FAM120B: variants seen among roughly 807,000 people sequenced by gnomAD.
The protein encoded by FAM120B is constitutive coactivator of peroxisome proliferator-activated receptor gamma.
FAM120B carries 83 observed loss-of-function variants against 96.3 expected under a neutral mutation model. That is an observed-to-expected ratio of 0.86 (90% CI 0.72 to 1.03). The LOEUF (loss-of-function observed/expected upper bound fraction) is 1.03, where lower values mean the gene tolerates loss of function less well. FAM120B is among the 50% of genes least tolerant of loss of function. The pLI, the probability that FAM120B is intolerant of heterozygous loss-of-function variation, is 0.00. For missense variants in FAM120B, 1,027 were observed against 1,121.2 expected (o/e 0.92, Z 1.20); for synonymous variants, 407 against 402.7 (o/e 1.01, Z -0.13).
chr6:170,361,791 ATCTT>A (rs1287696023), intron 6 of FAM120B, among the ~76,000 whole-genome samples: 1 of 152,052 alleles, frequency 6.6e-6, no homozygotes, highest in Non-Finnish European at 1.5e-5. Context: ...TTAAGTTAGA[ATCTT>A]TCTTTTTTAA....
At chr6:170,347,266 C>T (rs1787254726) in intron 4 of FAM120B, among the ~76,000 whole-genome samples, 1 of 152,118 alleles carries the variant, frequency 6.6e-6, no homozygotes, top group African/African-American at 2.4e-5. Context: ...ATTTTATAGC[C>T]AAGTGGTCCT....
chr6:170,316,548 A>G (rs1784913120), intron 1 of FAM120B, among the ~76,000 whole-genome samples: 1 of 152,206 alleles, frequency 6.6e-6, no homozygotes, highest in Non-Finnish European at 1.5e-5. Context: ...CCAGATTCCA[A>G]ATTCTAACTG....
chr6:170,347,375 T>A (rs755999604), intron 4 of FAM120B, among the ~76,000 whole-genome samples: 6 of 152,172 alleles, frequency 3.9e-5, no homozygotes, highest in Admixed American at 6.5e-5. Context: ...TTTGTCAGAG[T>A]GTGGAAGCAG....
chr6:170,344,863 C>T (rs1427989637), intron 4 of FAM120B, among the ~76,000 whole-genome samples: 6 of 152,224 alleles, frequency 3.9e-5, no homozygotes, highest in Non-Finnish European at 8.8e-5. Context: ...GGACATTTCC[C>T]TTCCCTGAAC....
chr6:170,316,109 G>C (rs1462830341), intron 1 of FAM120B, among the ~76,000 whole-genome samples: 2 of 149,466 alleles, frequency 1.3e-5, no homozygotes, highest in Non-Finnish European at 3.0e-5. Flanking sequence ...AGATAGTCCT[G>C]TGAGGATGCC....
At position 170,388,512 on chromosome 6, in the gene FAM120B, A is replaced by G. The variant is rs764756859; in HGVS notation, c.2490+19A>G. ...ACAAAATGTGAGTTCACAGACACCT[A>G]CCTTTCACCAGAAACATCCCTGTAG... is the stretch of plus-strand genomic sequence containing the variant. On this transcript the variant is annotated intron_variant, in intron 7 of 10. Transcript: ENST00000476287. 1.2e-6 allele frequency: 2 copies of G among 1,602,784 alleles called. No individual in the cohort carries two copies. Among genetic ancestry groups the G allele is most frequent in the Non-Finnish European group, 8.5e-7 (1 of 1,169,766 alleles).
chr6:170,320,729 T>G (rs1404329663), intron 2 of FAM120B, among the ~76,000 whole-genome samples: 1 of 152,200 alleles, frequency 6.6e-6, no homozygotes, highest in Non-Finnish European at 1.5e-5. Flanking sequence ...CTGGGAGTTA[T>G]CCTATTTTAT....
chr6:170,339,346 TG>T (rs1197872789), intron 4 of FAM120B, among the ~76,000 whole-genome samples: 2 of 152,192 alleles, frequency 1.3e-5, no homozygotes, highest in African/African-American at 4.8e-5. Context: ...TTTTAAGGGA[TG>T]TCAGTGTTTT....
intron 9 of FAM120B, among the ~76,000 whole-genome samples, chr6:170,399,261 CTA>C (rs544608514): frequency 1.4e-4 from 21 of 145,236 alleles, no homozygotes; most frequent in African/African-American, 5.0e-4. Context: ...AAAGGTAGAA[CTA>C]TGTCATAACT....
chr6:170,317,087 C>T (rs1784946491), intron 1 of FAM120B, among the ~76,000 whole-genome samples: 1 of 152,146 alleles, frequency 6.6e-6, no homozygotes, highest in African/African-American at 2.4e-5. Flanking sequence ...TGAATTTTAT[C>T]AAGAAATACC....
At chr6:170,306,265 G>C (rs972654706), upstream of FAM120B, among the ~76,000 whole-genome samples, 1 of 152,128 alleles carries the variant, frequency 6.6e-6, no homozygotes, top group Non-Finnish European at 1.5e-5. Context: ...CAAACGTGGC[G>C]GGGAAGCGCG....
At chr6:170,335,827 T>C (rs143166869) in intron 4 of FAM120B, among the ~76,000 whole-genome samples, 2 of 152,266 alleles carry the variant, frequency 1.3e-5, no homozygotes, top group East Asian at 3.9e-4. Flanking sequence ...TTTTTCTTCA[T>C]ATGTTTGTTG....
chr6:170,333,855 T>C (rs1786235505), intron 4 of FAM120B, among the ~76,000 whole-genome samples: 1 of 152,136 alleles, frequency 6.6e-6, no homozygotes, highest in South Asian at 2.1e-4. Context: ...TTTCATTTCT[T>C]TTACAATATA....
intron 6 of FAM120B, among the ~76,000 whole-genome samples, chr6:170,380,274 T>C (rs1472853199): frequency 6.6e-6 from 1 of 152,210 alleles, no homozygotes; most frequent in African/African-American, 2.4e-5. Context: ...CTTAGGTTGG[T>C]TCTGTGCTTT....
upstream of FAM120B, among the ~76,000 whole-genome samples, chr6:170,292,719 C>T (rs534252774): frequency 7.9e-4 from 121 of 152,350 alleles, no homozygotes; most frequent in Admixed American, 1.6e-3. The surrounding 1 kb of genome is among the most constrained non-coding windows in gnomAD (Gnocchi z 6.6). Flanking sequence ...CCGGCTGCTA[C>T]GCAGCTGGAA....
At chr6:170,398,205 T>G (rs1487562633) in intron 9 of FAM120B, among the ~76,000 whole-genome samples, 1 of 152,286 alleles carries the variant, frequency 6.6e-6, no homozygotes, top group African/African-American at 2.4e-5. Flanking sequence ...ATCAGGCATC[T>G]GGCCTGGATA....
chr6:170,397,522 G>A (rs944305245), intron 9 of FAM120B, among the ~76,000 whole-genome samples: 4 of 152,108 alleles, frequency 2.6e-5, no homozygotes, highest in Admixed American at 6.6e-5. Context: ...CACCCCGACC[G>A]AGAAGCTTGA....
chr6:170,296,133 T>A (rs1783998585), intron 1 of FAM120B, among the ~76,000 whole-genome samples: 1 of 152,074 alleles, frequency 6.6e-6, no homozygotes, highest in South Asian at 2.1e-4. Flanking sequence ...CCGCAGCAGC[T>A]GCTGCGGGCC....
rs1270974670 is a variant in FAM120B, at chr6:170,370,601, T to C, written c.2283+12283T>C. Among the ~76,000 whole-genome samples the C allele has an allele frequency of 1.3e-5, 2 of 152,102 alleles. No homozygotes were observed. The highest frequency in any genetic ancestry group is 1.3e-4 in the Admixed American group (2 of 15,264). ...TACCCTCTGATCCTGTACCTGTCAT[T>C]GTGGGATGTCCTAAATGACTAAAGA... On this transcript the variant is annotated intron_variant, in intron 6 of 10. Transcript: ENST00000476287. The surrounding 1 kb of genome is among the most constrained non-coding windows in gnomAD (Gnocchi z 4.3).
Sources: gnomAD v4.1 joint callset for allele counts (sites outside exome capture counted in the v4.1 genomes callset) on GRCh38, gnomAD v4.1.1 for gene constraint, Gnocchi (gnomAD v3.1) non-coding constraint, MANE v1.5 for transcripts, NCBI Gene and HGNC (gene_info 2026-07-23, HGNC 2026-07-21) for gene names.